Variants in STK24 observed in about 807,000 individuals in gnomAD.
STK24 encodes the protein serine/threonine-protein kinase 24.
Under a neutral mutation model 55.6 loss-of-function variants are expected in STK24, and 21 were observed. The ratio of observed to expected loss-of-function variants is 0.38; its 90% confidence interval spans 0.27 to 0.54. The LOEUF (loss-of-function observed/expected upper bound fraction) is 0.54. STK24 is among the 20% of genes least tolerant of loss of function. STK24 has a pLI of 0.79. For missense variants in STK24, 383 were observed against 538.4 expected (o/e 0.71, Z 2.86); for synonymous variants, 200 against 215.2 (o/e 0.93, Z 0.62).
At chr13:98,530,436 G>A (rs1367950130) in intron 1 of STK24, among the ~76,000 whole-genome samples, 4 of 152,126 alleles carry the variant, frequency 2.6e-5, no homozygotes, top group African/African-American at 9.7e-5. Flanking sequence ...GGTCTGGGCA[G>A]AATGACACCA....
intron 8 of STK24, among the ~76,000 whole-genome samples, chr13:98,460,803 G>C (rs1052934445): frequency 6.6e-6 from 1 of 152,048 alleles, no homozygotes; most frequent in Non-Finnish European, 1.5e-5. Flanking sequence ...ACTTTGGGAA[G>C]CCGAAGCAGG....
At chr13:98,537,404 C>G (rs536931714) in intron 1 of STK24, among the ~76,000 whole-genome samples, 13 of 152,326 alleles carry the variant, frequency 8.5e-5, no homozygotes, top group African/African-American at 2.9e-4. Context: ...GCACAGTGCC[C>G]GGCACACGGG....
chr13:98,489,744 A>G lies in STK24; in HGVS notation c.274-7423T>C, dbSNP rs115960128. 5.4e-3 allele frequency among the ~76,000 whole-genome samples: 826 copies of G among 152,256 alleles called. 8 individuals are homozygous for G. The highest frequency in any genetic ancestry group is 0.019 in the African/African-American group (774 of 41,536). On this transcript the variant is annotated intron_variant, in intron 2 of 10. Transcript: ENST00000539966. Reference sequence around the variant, plus strand: ...GCTCAGGTGGAGAAGAGGAGGAAAAATCCTGTTCGCAGAGGGCAGCTAGGA... The same window carrying G: ...GCTCAGGTGGAGAAGAGGAGGAAAAGTCCTGTTCGCAGAGGGCAGCTAGGA...
At chr13:98,455,178 G>A (rs1893394759) in intron 10 of STK24, 2 of 152,340 alleles carry the variant, frequency 1.3e-5, no homozygotes, top group South Asian at 4.1e-4. Flanking sequence ...GTTAAAAAAT[G>A]TATTGTTGAA....
intron 2 of STK24, among the ~76,000 whole-genome samples, chr13:98,486,683 C>T (rs1214235305): frequency 1.3e-5 from 2 of 152,200 alleles, no homozygotes; most frequent in African/African-American, 4.8e-5. Context: ...CAGTGTCCCC[C>T]AGAGGGCAAA....
chr13:98,481,936 A>AGG (rs1894599075), intron 3 of STK24, among the ~76,000 whole-genome samples: 1 of 152,068 alleles, frequency 6.6e-6, no homozygotes, highest in Non-Finnish European at 1.5e-5. Flanking sequence ...GTGTGGTGGC[A>AGG]TGCACCTGTA....
At position 98,503,024 on chromosome 13, in the gene STK24, G is replaced by GTTTTGTTTTTTTT. The variant is rs1555306357; in HGVS notation, c.273+16218_273+16219insAAAAAAAACAAAA. ...AATATATTAGAAATACTTTCCATGT[G>GTTTTGTTTTTTTT]TTTTTTTTTTTTTTTTTCAGTATGG... On this transcript the variant is annotated intron_variant, in intron 2 of 10. Transcript: ENST00000539966. Among the ~76,000 whole-genome samples, 163 of 107,046 alleles carry GTTTTGTTTTTTTT rather than the reference G, an allele frequency of 1.5e-3. 4 individuals are homozygous for GTTTTGTTTTTTTT. Among genetic ancestry groups the GTTTTGTTTTTTTT allele is most frequent in the African/African-American group, 6.2e-3 (154 of 25,014 alleles). 70.2% of individuals were successfully genotyped at this position (107,046 alleles called of 152,430 possible). A position where few individuals can be genotyped will look rare whatever the true frequency, so the allele number is the denominator to read the frequency against.
chr13:98,522,021 T>G, intron 1 of STK24: 1 of 1,421,166 alleles, frequency 7.0e-7, no homozygotes, highest in Non-Finnish European at 9.2e-7. Context: ...CACTCTCTCC[T>G]TCCTCTGGAG....
In STK24 at chr13:98,475,292, C is replaced by T. The variant is rs1894324071; in HGVS notation, c.397G>A (p.Asp133Asn). Residue 133 changes from aspartate (D) to asparagine (N), a missense_variant, in exon 4 of 11, where the codon GAT becomes AAT. Coordinates refer to ENST00000539966, the MANE Select transcript of STK24 (RefSeq NM_001032296.4). Reference sequence around the variant, plus strand: ...ATTTTCTTCTCCGAATGGAGATAATCGAGTCCTTTCAGTATTTCTCTTAAT... The same window carrying T: ...ATTTTCTTCTCCGAATGGAGATAATTGAGTCCTTTCAGTATTTCTCTTAAT... ...TILREILKGL[D>N]YLHSEKKIHR... The T allele has an allele frequency of 3.1e-6, 5 of 1,613,780 alleles. No homozygotes were observed. Among genetic ancestry groups the T allele is most frequent in the Admixed American group, 1.7e-5 (1 of 59,964 alleles).
intron 2 of STK24, among the ~76,000 whole-genome samples, chr13:98,486,323 G>A (rs551798909): frequency 6.0e-4 from 91 of 152,284 alleles, no homozygotes; most frequent in Non-Finnish European, 1.1e-3. Context: ...TGGGAAGGTA[G>A]GACAACAGAC....
At chr13:98,535,123 C>T (rs1395339431) in intron 1 of STK24, among the ~76,000 whole-genome samples, 2 of 151,952 alleles carry the variant, frequency 1.3e-5, no homozygotes, top group African/African-American at 2.4e-5. Flanking sequence ...CTGGGGCAGG[C>T]GGATCACCTG....
In STK24 at chr13:98,447,127, TA is replaced by T. The variant is rs1234433751; in HGVS notation, c.*6045del. 1 of 308,628 alleles carries T rather than the reference TA, an allele frequency of 3.2e-6. No individual in the cohort carries two copies. Among genetic ancestry groups the T allele is most frequent in the Non-Finnish European group, 6.1e-6 (1 of 163,498 alleles). 19.1% of individuals were successfully genotyped at this position (308,628 alleles called of 1,614,324 possible). A position where few individuals can be genotyped will look rare whatever the true frequency, so the allele number is the denominator to read the frequency against. ...CCCCAGTGAGACTGCCTACATGGTG[TA>T]ATGGCAGGGACTGCAGACTTCATTT... On this transcript the variant is annotated 3_prime_UTR_variant, in exon 11 of 11. Transcript: ENST00000539966.
At chr13:98,565,334 A>C (rs1290120569) in intron 1 of STK24, among the ~76,000 whole-genome samples, 1 of 151,962 alleles carries the variant, frequency 6.6e-6, no homozygotes, top group African/African-American at 2.4e-5. Context: ...GTGGCCTTAT[A>C]TTCTATTAGA....
chr13:98,563,409 T>C (rs548048950), intron 1 of STK24, among the ~76,000 whole-genome samples: 1 of 152,182 alleles, frequency 6.6e-6, no homozygotes, highest in Non-Finnish European at 1.5e-5. Flanking sequence ...GGGGAAGGCA[T>C]TCTGAATGAC....
chr13:98,490,554 G>A (rs1375105331), intron 2 of STK24, among the ~76,000 whole-genome samples: 1 of 152,090 alleles, frequency 6.6e-6, no homozygotes, highest in African/African-American at 2.4e-5. Flanking sequence ...AAGGGGTGGG[G>A]GCAGGACATA....
chr13:98,453,591 C>T (rs1893305680), intron 10 of STK24: 1 of 169,516 alleles, frequency 5.9e-6, no homozygotes, highest in Admixed American at 6.2e-5. Flanking sequence ...GCAGGAAACC[C>T]ATTTTGGCCA....
intron 5 of STK24, among the ~76,000 whole-genome samples, chr13:98,474,367 C>T (rs1395856275): frequency 2.0e-5 from 3 of 152,160 alleles, no homozygotes; most frequent in African/African-American, 4.8e-5. Flanking sequence ...CTCACGCTTC[C>T]GTGGACTCCC....
intron 1 of STK24, among the ~76,000 whole-genome samples, chr13:98,556,512 T>C (rs1897291981): frequency 6.7e-6 from 1 of 149,294 alleles, no homozygotes; most frequent in Non-Finnish European, 1.5e-5. Flanking sequence ...TTCTTTTGCC[T>C]ACAACTGAAA....
At chr13:98,567,943 AG>A (rs35252293) in intron 1 of STK24, among the ~76,000 whole-genome samples, 34,285 of 101,238 alleles carry the variant, frequency 0.34, 4,620 homozygotes, top group East Asian at 0.47. Context: ...AAAAAAAAAA[AG>A]GGGGGGGGTG....
Sources: allele counts gnomAD v4.1 joint callset (sites outside exome capture counted in the v4.1 genomes callset), GRCh38; gene constraint gnomAD v4.1.1; transcripts MANE v1.5; gene names NCBI Gene and HGNC (gene_info 2026-07-23, HGNC 2026-07-21).